The following TP53BP1 variants were observed in gnomAD, a reference collection of about 807,000 sequenced individuals.
TP53BP1 encodes the protein TP53-binding protein 1.
TP53BP1 carries 61 observed loss-of-function variants against 200.8 expected under a neutral mutation model. That is an observed-to-expected ratio of 0.30 (90% CI 0.25 to 0.38). The LOEUF is 0.38. Among genes scored for constraint, TP53BP1 ranks in the 10% least tolerant of loss-of-function variants. The pLI, the probability that TP53BP1 is intolerant of heterozygous loss-of-function variation, is 1.00. For synonymous variants in TP53BP1, 822 were observed against 844.3 expected (o/e 0.97, Z 0.46); for missense variants, 2,144 against 2,371.9 (o/e 0.90, Z 2.00).
At chr15:43,439,435 T>C (rs1014328888) in intron 15 of TP53BP1, among the ~76,000 whole-genome samples, 3 of 151,966 alleles carry the variant, frequency 2.0e-5, no homozygotes, top group Non-Finnish European at 4.4e-5. Flanking sequence ...CCCTGTGGGG[T>C]TGAGGCAGGA....
chr15:43,483,793 G>A (rs150989867), intron 4 of TP53BP1, among the ~76,000 whole-genome samples: 3 of 152,170 alleles, frequency 2.0e-5, no homozygotes, highest in African/African-American at 2.4e-5. Flanking sequence ...AATGAAGGAC[G>A]ACAGCACAAA....
At position 43,404,340 on chromosome 15, in the gene TP53BP1, C is replaced by T. The variant is rs973228219; in HGVS notation, c.*3043G>A. On this transcript the variant is annotated 3_prime_UTR_variant, in exon 28 of 28. Coordinates refer to ENST00000382044, the MANE Select transcript of TP53BP1 (RefSeq NM_001141980.3). ...ACAAGGCTTTTCCAAGAAACTCCTCCCTCCGCCCCCATCCTCCATATGGAG... is the reference window on the plus strand; with the variant it reads ...ACAAGGCTTTTCCAAGAAACTCCTCTCTCCGCCCCCATCCTCCATATGGAG... 2.8e-5 allele frequency: 44 copies of T among 1,572,358 alleles called. No individual in the cohort carries two copies. In the South Asian group the frequency reaches 5.0e-4, roughly 18 times the overall value.
At chr15:43,409,158 A>G in intron 25 of TP53BP1, 62 bp from the exon 26 acceptor site, 1 of 1,463,012 alleles carries the variant, frequency 6.8e-7, no homozygotes, top group Non-Finnish European at 9.5e-7. Context: ...CCTAAGCAGC[A>G]GCCATAATGA....
intron 12 of TP53BP1, among the ~76,000 whole-genome samples, chr15:43,454,172 T>C (rs1422691162): frequency 6.6e-6 from 1 of 151,398 alleles, no homozygotes; most frequent in Non-Finnish European, 1.5e-5. Flanking sequence ...GCCACTGCAC[T>C]CCAGCCCAGC....
At chr15:43,457,803 G>GAGGTATATCACCTT (rs1481669016) in intron 11 of TP53BP1, among the ~76,000 whole-genome samples, 1 of 151,044 alleles carries the variant, frequency 6.6e-6, no homozygotes, top group African/African-American at 2.4e-5. Flanking sequence ...TATATCACCT[G>GAGGTATATCACCTT]AGGTCAGGAG....
chr15:43,427,957 CAAA>C (rs35437737), intron 18 of TP53BP1, 56 bp downstream of exon 18: 8,203 of 986,884 alleles, frequency 8.3e-3, no homozygotes, highest in South Asian at 0.015. Context: ...ACCCTGTCTC[CAAA>C]AAAAAAAAAA....
At chr15:43,470,599 A>C (rs1272750327) in intron 10 of TP53BP1, among the ~76,000 whole-genome samples, 1 of 152,224 alleles carries the variant, frequency 6.6e-6, no homozygotes, top group Non-Finnish European at 1.5e-5. Flanking sequence ...TATCAATGCC[A>C]ATCAGCACTG....
Position 43,404,610 on chromosome 15 carries a change from G to A in TP53BP1, c.*2773C>T. 11 of 1,574,966 alleles carry A rather than the reference G, an allele frequency of 7.0e-6. No homozygotes were observed. The South Asian group carries it at 1.1e-4, about 16-fold the overall frequency. Reference sequence around the variant, plus strand: ...TTTTAAGGTGGCTTTTTAATGAGTTGTAGAATTCTAGAACTGGAAGAAGAC... The same window carrying A: ...TTTTAAGGTGGCTTTTTAATGAGTTATAGAATTCTAGAACTGGAAGAAGAC... On this transcript the variant is annotated 3_prime_UTR_variant, in exon 28 of 28. Transcript: ENST00000382044.
chr15:43,462,721 T>G (rs1057139143), intron 11 of TP53BP1, among the ~76,000 whole-genome samples: 1 of 152,214 alleles, frequency 6.6e-6, no homozygotes, highest in Non-Finnish European at 1.5e-5. Context: ...TAAATACCTT[T>G]TTTTAAATGA....
chr15:43,465,375 CTGAA>C (rs2046550147), intron 11 of TP53BP1, among the ~76,000 whole-genome samples: 1 of 151,762 alleles, frequency 6.6e-6, no homozygotes, highest in South Asian at 2.1e-4. Flanking sequence ...AATGGGTAAA[CTGAA>C]TGGTATGTGA....
At position 43,470,409 on chromosome 15, in the gene TP53BP1, T is replaced by C. The variant is rs944233519; in HGVS notation, c.1181-343A>G. ...TTTCCTGTAGAAAAGCCCAAACTAC[T>C]GGTACCTAATTTAACCATCATATAT... On this transcript the variant is annotated intron_variant, in intron 10 of 27. Coordinates refer to ENST00000382044, the MANE Select transcript of TP53BP1 (RefSeq NM_001141980.3). Among the ~76,000 whole-genome samples the C allele has an allele frequency of 5.3e-5, 8 of 152,232 alleles. 1 individual carries two copies. Among genetic ancestry groups the C allele is most frequent in the South Asian group, 2.1e-4 (1 of 4,836 alleles).
intron 26 of TP53BP1, 101 bp downstream of exon 26, chr15:43,408,796 T>C: frequency 2.5e-6 from 3 of 1,197,838 alleles, no homozygotes; most frequent in Non-Finnish European, 3.6e-6. Context: ...CCACAGACAT[T>C]CCAATTTCTA....
Position 43,404,138 on chromosome 15 carries a change from G to A in TP53BP1, c.*3245C>T. ...AATTATCTGCTTGTAATCAAAACGG[G>A]TTCTCCCCAACCCCAGTACTTGACA... On this transcript the variant is annotated 3_prime_UTR_variant, in exon 28 of 28. Coordinates refer to ENST00000382044, the MANE Select transcript of TP53BP1 (RefSeq NM_001141980.3). 1.9e-6 allele frequency: 1 copy of A among 512,860 alleles called. No homozygotes were observed. The highest frequency in any genetic ancestry group is 3.5e-6 in the Non-Finnish European group (1 of 288,740). The allele number at this position is 512,860 out of a possible 1,614,324, so 31.8% of individuals were successfully genotyped here.
intron 1 of TP53BP1, among the ~76,000 whole-genome samples, chr15:43,505,754 C>A (rs897732386): frequency 6.6e-6 from 1 of 152,198 alleles, no homozygotes; most frequent in African/African-American, 2.4e-5. Flanking sequence ...TTACTCAGTG[C>A]CTTTTTAAAG....
intron 24 of TP53BP1, 35 bp from the exon 25 acceptor site, chr15:43,409,776 T>C (rs1489384756): frequency 1.8e-6 from 2 of 1,128,396 alleles, no homozygotes; most frequent in Non-Finnish European, 1.3e-6. Flanking sequence ...TAATAATTAC[T>C]GAGTGGTTTT....
At position 43,447,391 on chromosome 15, in the gene TP53BP1, C is replaced by T. The variant is rs777007719; in HGVS notation, c.2811G>A (p.Glu937=). The T allele has an allele frequency of 1.2e-6, 2 of 1,601,176 alleles. No individual in the cohort carries two copies. Among genetic ancestry groups the T allele is most frequent in the African/African-American group, 2.7e-5 (2 of 73,530 alleles). ...CAATAGGAGTACTGTGTCTCTTGGGCTCCAATTTTAGGTGCCCAATAAGAG... is the reference window on the plus strand; with the variant it reads ...CAATAGGAGTACTGTGTCTCTTGGGTTCCAATTTTAGGTGCCCAATAAGAG... ...TPPLIGHLKL[E]PKRHSTPIGI... The change falls in exon 13 of 28, where the codon GAG becomes GAA. Residue 937 remains glutamate, a synonymous_variant. Coordinates refer to ENST00000382044, the MANE Select transcript of TP53BP1 (RefSeq NM_001141980.3).
chr15:43,409,641 C>G lies in TP53BP1; in HGVS notation c.5400+6G>C, dbSNP rs1258667705. 7 of 1,508,126 alleles carry G rather than the reference C, an allele frequency of 4.6e-6. No individual in the cohort carries two copies. In the East Asian group the frequency reaches 1.4e-4, roughly 30 times the overall value. 93.4% of individuals were successfully genotyped at this position (1,508,126 alleles called of 1,614,324 possible). A position where few individuals can be genotyped will look rare whatever the true frequency, so the allele number is the denominator to read the frequency against. On this transcript the variant is annotated splice_donor_region_variant and intron_variant, in intron 25 of 27. Transcript: ENST00000382044. Reference sequence around the variant, plus strand: ...CTATATTAGGTTACACAAAGAAACTCCTCACCTGGGCTTCATTGAAATCTT... The same window carrying G: ...CTATATTAGGTTACACAAAGAAACTGCTCACCTGGGCTTCATTGAAATCTT...
intron 4 of TP53BP1, among the ~76,000 whole-genome samples, chr15:43,483,638 A>G (rs538364483): frequency 2.0e-5 from 3 of 152,254 alleles, no homozygotes; most frequent in Non-Finnish European, 4.4e-5. Context: ...CCGTGACCCA[A>G]GCAAGTGAAA....
At chr15:43,447,822 G>GGATAT (rs761174208) in intron 12 of TP53BP1, among the ~76,000 whole-genome samples, 1 of 152,094 alleles carries the variant, frequency 6.6e-6, no homozygotes, top group Non-Finnish European at 1.5e-5. Context: ...GTACATCAGG[G>GGATAT]GATATTTAGC....
Sources: allele counts gnomAD v4.1 joint callset (sites outside exome capture counted in the v4.1 genomes callset), GRCh38; gene constraint gnomAD v4.1.1; transcripts MANE v1.5; gene names NCBI Gene and HGNC (gene_info 2026-07-23, HGNC 2026-07-21).